Variants in CNST observed in about 807,000 individuals in gnomAD.
The protein encoded by CNST is consortin, connexin sorting protein.
A neutral mutation model predicts 72.4 loss-of-function variants in CNST; 39 were observed. That is an observed-to-expected ratio of 0.54 (90% confidence interval 0.42 to 0.70). CNST has a LOEUF of 0.70. Among genes scored for constraint, CNST ranks in the 30% least tolerant of loss-of-function variants. The probability of loss-of-function intolerance (pLI) is 0.00; values close to 1 mark genes in which losing one functional copy is unlikely to be tolerated. For missense variants in CNST, 871 were observed against 868.5 expected (o/e 1.00, Z -0.04); for synonymous variants, 332 against 320.1 (o/e 1.04, Z -0.40).
intron 1 of CNST, among the ~76,000 whole-genome samples, chr1:246,590,924 C>T (rs888892683): frequency 2.0e-5 from 3 of 146,954 alleles, no homozygotes; most frequent in African/African-American, 7.5e-5. Flanking sequence ...CCTTCCAGGG[C>T]TTATTTTTAG....
intron 9 of CNST, among the ~76,000 whole-genome samples, chr1:246,658,313 C>G (rs1666879295): frequency 6.6e-6 from 1 of 152,160 alleles, no homozygotes; most frequent in Non-Finnish European, 1.5e-5. Flanking sequence ...CCTGTTTTCT[C>G]TGTTGTGTGA....
intron 9 of CNST, among the ~76,000 whole-genome samples, chr1:246,649,079 A>G (rs1300537977): frequency 6.6e-6 from 1 of 150,932 alleles, no homozygotes; most frequent in Non-Finnish European, 1.5e-5. Context: ...ATAGTAAAGC[A>G]CTTGGCTTAC....
At chr1:246,599,275 C>T (rs1040220620) in intron 2 of CNST, among the ~76,000 whole-genome samples, 7 of 151,986 alleles carry the variant, frequency 4.6e-5, no homozygotes, top group African/African-American at 7.2e-5. Context: ...TTTAAACACA[C>T]GACAACACAA....
In CNST at chr1:246,568,625, G is replaced by A. The variant is rs188640169; in HGVS notation, c.-52+1962G>A. 9.2e-4 allele frequency among the ~76,000 whole-genome samples: 140 copies of A among 152,216 alleles called. 1 individual carries two copies. Among genetic ancestry groups the A allele is most frequent in the African/African-American group, 3.2e-3 (133 of 41,530 alleles). On this transcript the variant is annotated intron_variant, in intron 1 of 10. Coordinates refer to ENST00000366513, the MANE Select transcript of CNST (RefSeq NM_152609.3). ...ATTTTGAGATGGAGTCTACTCTGTC[G>A]CCTAGGCTGGTGCCATCTCGGTTCA...
At chr1:246,645,438 T>A (rs1396708092) in intron 8 of CNST, among the ~76,000 whole-genome samples, 3 of 146,968 alleles carry the variant, frequency 2.0e-5, no homozygotes, top group African/African-American at 5.1e-5. Flanking sequence ...TTTTTTTTTT[T>A]TTTTTTTGAG....
In CNST at chr1:246,597,973, GTATTTATTTATT is replaced by G. The variant is rs55701547; in HGVS notation, c.379+6047_379+6058del. 6.1e-3 allele frequency among the ~76,000 whole-genome samples: 921 copies of G among 150,356 alleles called. 13 individuals are homozygous for G. The highest frequency in any genetic ancestry group is 0.022 in the African/African-American group (881 of 40,824). On this transcript the variant is annotated intron_variant, in intron 2 of 10. Transcript: ENST00000366513. ...TTGTGTTTATGTGTGTCACAAGATG[GTATTTATTTATT>G]TATTTATTTATTTAAGACAGGATTT...
intron 8 of CNST, among the ~76,000 whole-genome samples, chr1:246,645,770 C>G (rs1374992721): frequency 6.6e-6 from 1 of 152,054 alleles, no homozygotes; most frequent in Non-Finnish European, 1.5e-5. Context: ...GCTAAGTGTA[C>G]CAATAAAGCG....
At chr1:246,608,602 G>C (rs1663085412) in intron 2 of CNST, among the ~76,000 whole-genome samples, 1 of 152,222 alleles carries the variant, frequency 6.6e-6, no homozygotes, top group Non-Finnish European at 1.5e-5. Context: ...CAGTGGTGGA[G>C]CTTGCGGGAG....
chr1:246,656,098 G>T (rs1476823484), intron 9 of CNST, among the ~76,000 whole-genome samples: 1 of 152,198 alleles, frequency 6.6e-6, no homozygotes, highest in South Asian at 2.1e-4. Flanking sequence ...TCTCAAATCA[G>T]TTGGAAGCCA....
chr1:246,660,084 A>C, intron 9 of CNST, 115 bp from the exon 10 acceptor site: 35 of 774,598 alleles, frequency 4.5e-5, no homozygotes, highest in Non-Finnish European at 5.5e-5. Context: ...TTCTATAGGA[A>C]TTGGATACCC....
chr1:246,598,864 A>G (rs1013095046), intron 2 of CNST, among the ~76,000 whole-genome samples: 3 of 152,200 alleles, frequency 2.0e-5, no homozygotes, highest in Non-Finnish European at 2.9e-5. Context: ...CACTAGGTAG[A>G]TAGACGGACA....
chr1:246,608,138 T>G (rs1663032332), intron 2 of CNST: 1 of 151,810 alleles, frequency 6.6e-6, no homozygotes, highest in Non-Finnish European at 1.5e-5. Context: ...CTGGAAAACA[T>G]AGAGAACCTG....
intron 1 of CNST, among the ~76,000 whole-genome samples, chr1:246,576,668 AT>A (rs1460703558): frequency 6.6e-6 from 1 of 151,460 alleles, no homozygotes; most frequent in Non-Finnish European, 1.5e-5. Context: ...ACATTTTTGT[AT>A]TTTTAATAGA....
intron 2 of CNST, among the ~76,000 whole-genome samples, chr1:246,593,877 C>T (rs1187916339): frequency 1.3e-5 from 2 of 152,182 alleles, no homozygotes; most frequent in African/African-American, 2.4e-5. Context: ...ATTCTCCCAC[C>T]TCAGCCTCTG....
At chr1:246,587,970 GT>G (rs1000611884) in intron 1 of CNST, among the ~76,000 whole-genome samples, 2 of 151,818 alleles carry the variant, frequency 1.3e-5, no homozygotes, top group East Asian at 1.9e-4. Context: ...TGTATTTGAT[GT>G]TTTTTTCCCT....
At chr1:246,571,708 TCTCA>T (rs1302312737) in intron 1 of CNST, among the ~76,000 whole-genome samples, 6 of 152,138 alleles carry the variant, frequency 3.9e-5, no homozygotes, top group African/African-American at 1.2e-4. Flanking sequence ...AGAGATGAGG[TCTCA>T]CTATGTTGCC....
intron 1 of CNST, among the ~76,000 whole-genome samples, chr1:246,583,639 G>A (rs78879110): frequency 0.014 from 2,092 of 152,294 alleles, 72 homozygotes; most frequent in East Asian, 0.12. Context: ...GGCTGGTGAA[G>A]TTTAGTTAAA....
intron 6 of CNST, among the ~76,000 whole-genome samples, chr1:246,634,956 C>CTTCCAGCCGGGGTAG (rs1665067104): frequency 4.3e-5 from 5 of 115,924 alleles, no homozygotes; most frequent in Non-Finnish European, 9.3e-5. Flanking sequence ...CTCGGTGGTG[C>CTTCCAGCCGGGGTAG]GTGTCTTCCG....
intron 2 of CNST, among the ~76,000 whole-genome samples, chr1:246,600,181 C>A (rs1170852190): frequency 6.6e-6 from 1 of 152,152 alleles, no homozygotes; most frequent in Non-Finnish European, 1.5e-5. Flanking sequence ...AGAGAGCATC[C>A]TACATTTCAG....
Sources: gnomAD v4.1 joint callset for allele counts (sites outside exome capture counted in the v4.1 genomes callset) on GRCh38, gnomAD v4.1.1 for gene constraint, MANE v1.5 for transcripts, NCBI Gene and HGNC (gene_info 2026-07-23, HGNC 2026-07-21) for gene names.